The following ZC3H8 variants were observed in gnomAD, a reference collection of about 807,000 sequenced individuals.
ZC3H8 encodes the protein zinc finger CCCH-type containing 8.
A neutral mutation model predicts 42.5 loss-of-function variants in ZC3H8; 27 were observed. That is an observed-to-expected ratio of 0.64 (90% confidence interval 0.47 to 0.88). The LOEUF is 0.88. Ranked by LOEUF, ZC3H8 falls within the 40% of genes least tolerant of loss-of-function variation. ZC3H8 has a pLI of 0.00. For missense variants in ZC3H8, 277 were observed against 336.1 expected, an observed-to-expected ratio of 0.82 and a Z score of 1.37; for synonymous variants, 101 against 110.1, an observed-to-expected ratio of 0.92 and a Z score of 0.52.
At chr2:112,243,664 T>C (rs1260403520) in intron 2 of ZC3H8, among the ~76,000 whole-genome samples, 1 of 152,192 alleles carries the variant, frequency 6.6e-6, no homozygotes, top group East Asian at 1.9e-4. Context: ...AAGGCTGTGT[T>C]GTGGAAACTT....
chr2:112,230,146 C>T (rs535226294), intron 8 of ZC3H8, among the ~76,000 whole-genome samples: 1 of 152,178 alleles, frequency 6.6e-6, no homozygotes, highest in Non-Finnish European at 1.5e-5. Flanking sequence ...AAAGATGCTG[C>T]ACTTCATGCA....
chr2:112,253,209 A>C (rs1418996605), intron 1 of ZC3H8, among the ~76,000 whole-genome samples: 1 of 152,026 alleles, frequency 6.6e-6, no homozygotes, highest in East Asian at 1.9e-4. Context: ...CTTACCCTTC[A>C]TTCATTTTCT....
At chr2:112,225,588 G>A (rs1037008665) in intron 8 of ZC3H8, among the ~76,000 whole-genome samples, 9 of 152,086 alleles carry the variant, frequency 5.9e-5, no homozygotes, top group Admixed American at 3.9e-4. Context: ...AGGCTGAGGC[G>A]GGCAGATCAC....
At chr2:112,249,691 A>G (rs906151180) in intron 2 of ZC3H8, among the ~76,000 whole-genome samples, 1 of 151,982 alleles carries the variant, frequency 6.6e-6, no homozygotes, top group African/African-American at 2.4e-5. Flanking sequence ...TGATCCATCC[A>G]CCTCGGCCTC....
At chr2:112,245,045 G>A (rs891821060) in intron 2 of ZC3H8, among the ~76,000 whole-genome samples, 43 of 152,352 alleles carry the variant, frequency 2.8e-4, no homozygotes, top group South Asian at 4.1e-4. Context: ...GCTAGGCCTC[G>A]TAAGCCAAAT....
intron 1 of ZC3H8, 127 bp from the exon 2 acceptor site, chr2:112,250,399 T>C: frequency 1.9e-6 from 1 of 536,636 alleles, no homozygotes. Flanking sequence ...ATTCAAATTC[T>C]ATACCAAATA....
At chr2:112,232,844 T>C (rs1163579497) in intron 6 of ZC3H8, among the ~76,000 whole-genome samples, 1 of 152,234 alleles carries the variant, frequency 6.6e-6, no homozygotes, top group Non-Finnish European at 1.5e-5. Flanking sequence ...GCTAAGGCTA[T>C]TCTGCAAATT....
Position 112,250,268 on chromosome 2 carries a change from C to G in ZC3H8, c.79G>C (p.Asp27His). Residue 27 changes from aspartate to histidine, a missense_variant, in exon 2 of 9, where the codon GAT (aspartate) becomes CAT (histidine). By Grantham distance (81) the Asp-to-His change is moderately conservative. Transcript: ENST00000409573. ...TCAACTTCTGTATCTATTTCATCATCGATTCTGTAGCAAAAATATCAAATA... is the reference window on the plus strand; with the variant it reads ...TCAACTTCTGTATCTATTTCATCATGGATTCTGTAGCAAAAATATCAAATA... ...KTATDSDERI[D>H]DEIDTEVEET... The G allele has an allele frequency of 6.5e-7, 1 of 1,549,932 alleles. No individual in the cohort carries two copies. Among genetic ancestry groups the G allele is most frequent in the Non-Finnish European group, 8.7e-7 (1 of 1,146,346 alleles).
intron 8 of ZC3H8, among the ~76,000 whole-genome samples, chr2:112,221,355 C>A (rs1684577328): frequency 1.3e-5 from 2 of 152,146 alleles, no homozygotes; most frequent in South Asian, 4.1e-4. Flanking sequence ...TCCCCACTCT[C>A]TCTCTCTTGC....
At position 112,217,328 on chromosome 2, in the gene ZC3H8, G is replaced by A. The variant is rs141694337; in HGVS notation, c.*16-860C>T. Among the ~76,000 whole-genome samples the A allele has an allele frequency of 4.5e-3, 688 of 152,192 alleles. 8 individuals are homozygous for A. Among genetic ancestry groups the A allele is most frequent in the African/African-American group, 0.016 (650 of 41,512 alleles). Reference sequence around the variant, plus strand: ...AGAGAGGTTGCAGTGAGCAAAGATCGTGCCACTTCATTCAAGCCTGGGTGA... The same window carrying A: ...AGAGAGGTTGCAGTGAGCAAAGATCATGCCACTTCATTCAAGCCTGGGTGA... On this transcript the variant is annotated intron_variant, in intron 8 of 8. Coordinates refer to ENST00000409573, the MANE Select transcript of ZC3H8 (RefSeq NM_032494.3).
Position 112,236,696 on chromosome 2 carries a change from C to CCTGTGGGG in ZC3H8, c.371-2_371-1insCCCCACAG. The CCTGTGGGG allele has an allele frequency of 6.2e-7, 1 of 1,600,080 alleles. No individual in the cohort carries two copies. The highest frequency in any genetic ancestry group is 8.5e-7 in the Non-Finnish European group (1 of 1,174,066). On this transcript the variant is annotated splice_acceptor_variant, in intron 3 of 8. Coordinates refer to ENST00000409573, the MANE Select transcript of ZC3H8 (RefSeq NM_032494.3). LOFTEE classifies it high-confidence loss of function. ...AGATTTTTATTTTTTTGTTTAGCAG[C>CCTGTGGGG]TAAAAACAAAAAATTAATTTAAAAA... is the stretch of plus-strand genomic sequence containing the variant.
intron 2 of ZC3H8, among the ~76,000 whole-genome samples, chr2:112,249,467 G>A (rs1443651848): frequency 1.3e-5 from 2 of 151,888 alleles, no homozygotes; most frequent in African/African-American, 2.4e-5. Context: ...GTTTTGATTC[G>A]GAGTCTCGCT....
intron 8 of ZC3H8, among the ~76,000 whole-genome samples, chr2:112,222,043 T>C (rs1236816734): frequency 6.6e-6 from 1 of 152,126 alleles, no homozygotes; most frequent in Non-Finnish European, 1.5e-5. Flanking sequence ...TTTTTTGCTT[T>C]TTTCTTCTTG....
At chr2:112,251,964 T>G (rs1685963997) in intron 1 of ZC3H8, among the ~76,000 whole-genome samples, 1 of 152,256 alleles carries the variant, frequency 6.6e-6, no homozygotes, top group African/African-American at 2.4e-5. Context: ...CCACAGCTAC[T>G]ACTTCTCAGT....
chr2:112,238,550 A>T (rs1558928792), intron 2 of ZC3H8, 22 bp from the exon 3 acceptor site: 3 of 1,570,236 alleles, frequency 1.9e-6, no homozygotes, highest in Non-Finnish European at 2.6e-6. Flanking sequence ...TTAAAACTTC[A>T]ATTTTAAAAA....
intron 2 of ZC3H8, 165 bp downstream of exon 2, chr2:112,250,026 A>T (rs1483396030): frequency 1.3e-5 from 6 of 451,068 alleles, no homozygotes; most frequent in Middle Eastern, 5.6e-4. Context: ...GTTTTCTTTG[A>T]TATAAGTAAC....
chr2:112,225,851 G>A (rs751797651), intron 8 of ZC3H8, among the ~76,000 whole-genome samples: 34 of 151,778 alleles, frequency 2.2e-4, no homozygotes, highest in Non-Finnish European at 4.7e-4. Flanking sequence ...GGAGGCCAAG[G>A]CAAGTGGATC....
chr2:112,212,466 G>A lies in ZC3H8; in HGVS notation c.*4018C>T, dbSNP rs1270297346. ...GGAGAAACATGGACTTTGGGAAGAA[G>A]AATGTAGGTTTGCTTCTTAGTTCAC... On this transcript the variant is annotated 3_prime_UTR_variant, in exon 9 of 9. Coordinates refer to ENST00000409573, the MANE Select transcript of ZC3H8 (RefSeq NM_032494.3). 1 of 152,250 alleles carries A rather than the reference G, an allele frequency of 6.6e-6. No individual in the cohort carries two copies. The highest frequency in any genetic ancestry group is 2.4e-5 in the African/African-American group (1 of 41,452). 9.4% of individuals were successfully genotyped at this position (152,250 alleles called of 1,614,324 possible).
chr2:112,247,141 A>G (rs949679384), intron 2 of ZC3H8, among the ~76,000 whole-genome samples: 1 of 152,252 alleles, frequency 6.6e-6, no homozygotes. Context: ...TAACTTTTAT[A>G]TGCACTGGGA....
Sources: allele counts gnomAD v4.1 joint callset (sites outside exome capture counted in the v4.1 genomes callset), GRCh38; gene constraint gnomAD v4.1.1; transcripts MANE v1.5; gene names NCBI Gene and HGNC (gene_info 2026-07-23, HGNC 2026-07-21).